Variants in FAM91A1 observed in about 807,000 individuals in gnomAD.
FAM91A1 encodes the protein family with sequence similarity 91 member A1, also known as protein FAM91A1.
FAM91A1 carries 41 observed loss-of-function variants against 113.5 expected under a neutral mutation model. The ratio of observed to expected loss-of-function variants is 0.36; its 90% CI spans 0.28 to 0.47. The LOEUF (loss-of-function observed/expected upper bound fraction) is 0.47. Among genes scored for constraint, FAM91A1 ranks in the 20% least tolerant of loss-of-function variants. FAM91A1 has a pLI of 1.00. For missense variants in FAM91A1, 696 were observed against 1,001.2 expected, an observed-to-expected ratio of 0.70 and a Z score of 4.11; for synonymous variants, 307 against 347.9, an observed-to-expected ratio of 0.88 and a Z score of 1.31.
intron 9 of FAM91A1, chr8:123,784,796 G>A (rs1815212817): frequency 2.4e-6 from 1 of 424,668 alleles, no homozygotes; most frequent in African/African-American, 2.1e-5. Context: ...ATGACTTTTT[G>A]TACTAAAGTA....
intron 21 of FAM91A1, 23 bp downstream of exon 21, chr8:123,808,399 A>C (rs761211197): frequency 1.3e-6 from 2 of 1,588,482 alleles, no homozygotes; most frequent in African/African-American, 2.7e-5. Context: ...AACTTTTTCC[A>C]ATTTTATTAG....
chr8:123,799,777 T>C lies in FAM91A1; in HGVS notation c.1701T>C (p.Tyr567=). 1 of 1,608,212 alleles carries C rather than the reference T, an allele frequency of 6.2e-7. No individual in the cohort carries two copies. The highest frequency in any genetic ancestry group is 8.5e-7 in the Non-Finnish European group (1 of 1,177,088). The change falls in exon 18 of 24, where the codon TAT becomes TAC. Residue 567 remains tyrosine, a synonymous_variant. Coordinates refer to ENST00000334705, the MANE Select transcript of FAM91A1 (RefSeq NM_144963.4). ...TGTTAATTTCTTTTCAATAGAGTTATGATCGATTGCTAATAACATCTTGGG... is the reference window on the plus strand; with the variant it reads ...TGTTAATTTCTTTTCAATAGAGTTACGATCGATTGCTAATAACATCTTGGG... The part of the protein sequence containing the change: ...LRKLPDIFQS[Y]DRLLITSWGH...
intron 11 of FAM91A1, chr8:123,786,054 A>G (rs1815249755): frequency 2.6e-6 from 1 of 383,966 alleles, no homozygotes; most frequent in South Asian, 2.1e-5. Context: ...CCTGGCCCCA[A>G]CTGATCCACC....
chr8:123,807,503 GAAA>G (rs1815841145), intron 20 of FAM91A1, among the ~76,000 whole-genome samples: 1 of 123,396 alleles, frequency 8.1e-6, no homozygotes, highest in Non-Finnish European at 1.7e-5. Flanking sequence ...AAAAAAAAAA[GAAA>G]CAAAAAAGAC....
intron 10 of FAM91A1, 83 bp downstream of exon 10, chr8:123,785,202 G>T: frequency 9.0e-7 from 1 of 1,114,022 alleles, no homozygotes; most frequent in South Asian, 1.6e-5. Context: ...ATAAGCTACT[G>T]AGAAACGAAG....
At chr8:123,784,320 C>A in intron 8 of FAM91A1, 150 bp from the exon 9 acceptor site, 1 of 513,226 alleles carries the variant, frequency 1.9e-6, no homozygotes, top group Non-Finnish European at 3.3e-6. Flanking sequence ...TGTAGAGTTT[C>A]AGAAAACTTG....
intron 14 of FAM91A1, among the ~76,000 whole-genome samples, chr8:123,788,606 C>T (rs1815313210): frequency 1.3e-5 from 2 of 152,020 alleles, no homozygotes; most frequent in South Asian, 4.1e-4. Flanking sequence ...TTTATACTGC[C>T]ATTTATTTCT....
At chr8:123,777,142 A>C (rs1248102496) in intron 3 of FAM91A1, 123 bp from the exon 4 acceptor site, 1 of 716,958 alleles carries the variant, frequency 1.4e-6, no homozygotes, top group African/African-American at 1.8e-5. Context: ...CTAGGTAGCC[A>C]AACTATGATC....
intron 1 of FAM91A1, among the ~76,000 whole-genome samples, chr8:123,771,217 T>C (rs976806136): frequency 6.6e-6 from 1 of 152,214 alleles, no homozygotes; most frequent in Admixed American, 6.5e-5. Flanking sequence ...CTTACCCCGC[T>C]ATGGTGCATT....
At chr8:123,808,848 G>A in intron 21 of FAM91A1, 45 bp from the exon 22 acceptor site, 1 of 1,498,150 alleles carries the variant, frequency 6.7e-7, no homozygotes, top group Non-Finnish European at 9.0e-7. Flanking sequence ...ATATACATAA[G>A]TAGATATATA....
chr8:123,806,332 T>C lies in FAM91A1; in HGVS notation c.2032+103T>C. 5.8e-6 allele frequency: 7 copies of C among 1,209,754 alleles called. No individual in the cohort carries two copies. In the South Asian group the frequency reaches 1.2e-4, roughly 21 times the overall value. The allele number at this position is 1,209,754 out of a possible 1,614,324, so 74.9% of individuals were successfully genotyped here. ...AGACCTTTGTGGGGATGCTGAATTA[T>C]TGAATACTCAATATTCTTTCACTGA... On this transcript the variant is annotated intron_variant, in intron 20 of 23. Transcript: ENST00000334705.
rs776239012 is a variant in FAM91A1 at position 123,785,111 on chromosome 8, C to T, written c.841C>T (p.Leu281=). The change falls in exon 10 of 24, where the codon CTG becomes TTG. Residue 281 remains leucine, a synonymous_variant. Transcript: ENST00000334705. ...AAATGTCCTTGAGATTGACTTATCC[C>T]TGGTTAAGGTATGTTATTTTTATAC... ...LANVLEIDLS[L]VKNAVSMYCR... 2 of 1,587,846 alleles carry T rather than the reference C, an allele frequency of 1.3e-6. No individual in the cohort carries two copies. Among genetic ancestry groups the T allele is most frequent in the East Asian group, 4.5e-5 (2 of 44,190 alleles).
Position 123,785,112 on chromosome 8 carries a change from T to C in FAM91A1, c.842T>C (p.Leu281Pro). 1 of 1,589,332 alleles carries C rather than the reference T, an allele frequency of 6.3e-7. No homozygotes were observed. Among genetic ancestry groups the C allele is most frequent in the Non-Finnish European group, 8.5e-7 (1 of 1,171,618 alleles). The change falls in exon 10 of 24, where the codon CTG becomes CCG. Residue 281 changes from leucine to proline, a missense_variant. By Grantham distance (98) the Leu-to-Pro change is moderately conservative (BLOSUM62 -3). Transcript: ENST00000334705. The stretch of plus-strand genomic sequence containing the variant: ...AATGTCCTTGAGATTGACTTATCCC[T>C]GGTTAAGGTATGTTATTTTTATACT... ...LANVLEIDLS[L>P]VKNAVSMYCR...
chr8:123,785,038 TA>T (rs1815218669), intron 9 of FAM91A1, 42 bp from the exon 10 acceptor site: 2 of 1,467,772 alleles, frequency 1.4e-6, no homozygotes, highest in Admixed American at 4.0e-5. Flanking sequence ...AATGTGCTGT[TA>T]ATTCTAAGAA....
rs144899068 is a variant in FAM91A1, at chr8:123,768,896, G to A, written c.72+122G>A. On this transcript the variant is annotated intron_variant, in intron 1 of 23. Coordinates refer to ENST00000334705, the MANE Select transcript of FAM91A1 (RefSeq NM_144963.4). The stretch of plus-strand genomic sequence containing the variant: ...GCTGACTCCCTTCCTTTACTCCTCC[G>A]TGGTCTTGGGGAGACGGACCTTCAG... The A allele has an allele frequency of 5.5e-5, 55 of 1,007,894 alleles. No individual in the cohort carries two copies. In the African/African-American group the frequency reaches 6.8e-4, roughly 12 times the overall value. 62.4% of individuals were successfully genotyped at this position (1,007,894 alleles called of 1,614,324 possible). A position where few individuals can be genotyped will look rare whatever the true frequency, so the allele number is the denominator to read the frequency against.
chr8:123,800,240 T>C (rs1355286051), intron 18 of FAM91A1, among the ~76,000 whole-genome samples: 3 of 150,336 alleles, frequency 2.0e-5, no homozygotes, highest in Non-Finnish European at 4.4e-5. Context: ...CCCAACCCTA[T>C]ATATAGTACG....
chr8:123,786,251 A>C, intron 11 of FAM91A1: 1 of 439,360 alleles, frequency 2.3e-6, no homozygotes. Context: ...GAAAAAAAGC[A>C]AATAAATATT....
In FAM91A1 at chr8:123,769,113, G is replaced by A. The variant is rs186431065; in HGVS notation, c.72+339G>A. On this transcript the variant is annotated intron_variant, in intron 1 of 23. Transcript: ENST00000334705. ...TTTCAGGATGGTGGGAAAGGGATGG[G>A]AAACAAATGAATACGATACAGGATG... 2.0e-3 allele frequency among the ~76,000 whole-genome samples: 300 copies of A among 152,324 alleles called. 1 individual carries two copies. Among genetic ancestry groups the A allele is most frequent in the African/African-American group, 6.8e-3 (283 of 41,576 alleles).
Position 123,794,645 on chromosome 8 carries a change from G to A in FAM91A1, c.1412-3445G>A, listed in dbSNP as rs1035943890. ...CTCTGAGTGAGCAATTTGTCTTTAC[G>A]TTAAATTGCCTATTGCAGTTAAAAG... On this transcript the variant is annotated intron_variant, in intron 15 of 23. Coordinates refer to ENST00000334705, the MANE Select transcript of FAM91A1 (RefSeq NM_144963.4). 7.9e-5 allele frequency among the ~76,000 whole-genome samples: 12 copies of A among 152,154 alleles called. No homozygotes were observed. The East Asian group carries it at 9.6e-4, about 12-fold the overall frequency.
Sources: allele counts gnomAD v4.1 joint callset (sites outside exome capture counted in the v4.1 genomes callset), GRCh38; gene constraint gnomAD v4.1.1; transcripts MANE v1.5; gene names NCBI Gene and HGNC (gene_info 2026-07-23, HGNC 2026-07-21).